Variants in IFT140 observed in about 807,000 individuals in gnomAD.
IFT140 encodes the protein intraflagellar transport protein 140 homolog.
Under a neutral mutation model 164.6 loss-of-function variants are expected in IFT140, and 133 were observed. The ratio of observed to expected loss-of-function variants is 0.81; its 90% CI spans 0.70 to 0.93. The LOEUF is 0.93. IFT140 is among the 40% of genes least tolerant of loss of function. The pLI, the probability that IFT140 is intolerant of heterozygous loss-of-function variation, is 0.00. For synonymous variants in IFT140, 860 were observed against 817.3 expected, an observed-to-expected ratio of 1.05 and a Z score of -0.89; for missense variants, 2,045 against 1,972.3, an observed-to-expected ratio of 1.04 and a Z score of -0.70.
chr16:1,594,804 C>G (rs2035368699), intron 4 of IFT140, among the ~76,000 whole-genome samples: 1 of 152,204 alleles, frequency 6.6e-6, no homozygotes, highest in South Asian at 2.1e-4. Context: ...GTGCGTGGCT[C>G]TTCCGCTCAG....
rs1224734269 is a variant in IFT140, at chr16:1,586,263, G to C, written c.1022C>G (p.Ala341Gly). The C allele has an allele frequency of 6.2e-7, 1 of 1,612,848 alleles. No individual in the cohort carries two copies. Among genetic ancestry groups the C allele is most frequent in the East Asian group, 2.2e-5 (1 of 44,860 alleles). The change falls in exon 10 of 31, where the codon GCT becomes GGT. Residue 341 changes from alanine (A) to glycine (G), a missense_variant. Transcript: ENST00000426508. Reference sequence around the variant, plus strand: ...GGCTACTCGCCCTCTGTCGGTACCAGCGGCCAGAAGACCTACAGGTAGAAA... The same window carrying C: ...GGCTACTCGCCCTCTGTCGGTACCACCGGCCAGAAGACCTACAGGTAGAAA... ...CYCKVKGLLA[A>G]GTDRGRVAMW...
chr16:1,606,937 C>G (rs1373497503), intron 3 of IFT140, among the ~76,000 whole-genome samples, 183 bp downstream of exon 3: 1 of 151,578 alleles, frequency 6.6e-6, no homozygotes, highest in African/African-American at 2.4e-5. Flanking sequence ...CACACACACA[C>G]AGATGCAGAC....
intron 19 of IFT140, among the ~76,000 whole-genome samples, chr16:1,542,347 T>C (rs1220278900): frequency 6.6e-6 from 1 of 152,268 alleles, no homozygotes; most frequent in East Asian, 1.9e-4. Context: ...CTTTAAAGGC[T>C]GAGGCACTTT....
chr16:1,527,774 T>C (rs1046032492), intron 19 of IFT140, among the ~76,000 whole-genome samples: 3 of 152,292 alleles, frequency 2.0e-5, no homozygotes, highest in Admixed American at 1.3e-4. Context: ...GGTTTCGCCA[T>C]GTTACCCAGG....
Position 1,564,681 on chromosome 16 carries a change from C to T in IFT140, c.1902-519G>A, listed in dbSNP as rs907937681. 4.6e-5 allele frequency among the ~76,000 whole-genome samples: 7 copies of T among 152,134 alleles called. No individual in the cohort carries two copies. Among genetic ancestry groups the T allele is most frequent in the African/African-American group, 1.2e-4 (5 of 41,420 alleles). On this transcript the variant is annotated intron_variant, in intron 16 of 30. Coordinates refer to ENST00000426508, the MANE Select transcript of IFT140 (RefSeq NM_014714.4). This position sits in a 1 kb window ranked among gnomAD's most constrained non-coding sequence, Gnocchi z 5.5. ...GCTGTGGGGAAACACAATGATGTGCCGGCAGACGACACACAAGGTTTCAAG... is the reference window on the plus strand; with the variant it reads ...GCTGTGGGGAAACACAATGATGTGCTGGCAGACGACACACAAGGTTTCAAG...
At chr16:1,542,530 C>G (rs976792786) in intron 19 of IFT140, among the ~76,000 whole-genome samples, 1 of 152,348 alleles carries the variant, frequency 6.6e-6, no homozygotes, top group Middle Eastern at 3.4e-3. Context: ...AGGCCTAGAA[C>G]AGGTCAGGCC....
At chr16:1,606,691 C>G (rs1468360220) in intron 3 of IFT140, among the ~76,000 whole-genome samples, 1 of 152,144 alleles carries the variant, frequency 6.6e-6, no homozygotes, top group African/African-American at 2.4e-5. Context: ...AACCCCTAAC[C>G]TCAAGTGATC....
chr16:1,519,931 C>T lies in IFT140; in HGVS notation c.3990G>A (p.Ala1330=), dbSNP rs61745103. The T allele has an allele frequency of 5.4e-3, 8,615 of 1,600,638 alleles. 53 individuals carry two copies. The highest frequency in any genetic ancestry group is 0.028 in the African/African-American group (2,105 of 74,166). Residue 1330 remains alanine, a synonymous_variant, in exon 29 of 31, where the codon GCG becomes GCA. Coordinates refer to ENST00000426508, the MANE Select transcript of IFT140 (RefSeq NM_014714.4). Reference sequence around the variant, plus strand: ...CCAGTGCCATCCTGCTCTGCAGCTGCGCCAGCCTGGTCTCCTGGTCCAGGG... The same window carrying T: ...CCAGTGCCATCCTGCTCTGCAGCTGTGCCAGCCTGGTCTCCTGGTCCAGGG... ...KSPLDQETRL[A]QLQSRMALVK...
intron 4 of IFT140, among the ~76,000 whole-genome samples, chr16:1,597,801 T>C (rs1188970103): frequency 1.3e-5 from 2 of 152,328 alleles, no homozygotes; most frequent in East Asian, 3.9e-4. Context: ...CTTTCTTTTA[T>C]TCAAGAGATG....
chr16:1,607,990 A>C (rs1352953620), intron 2 of IFT140, among the ~76,000 whole-genome samples: 1 of 152,246 alleles, frequency 6.6e-6, no homozygotes, highest in African/African-American at 2.4e-5. Context: ...TCCAGAAAAG[A>C]GTACTGGTAC....
intron 19 of IFT140, chr16:1,552,982 A>G: frequency 1.0e-5 from 10 of 985,340 alleles, no homozygotes; most frequent in Non-Finnish European, 1.2e-5. Context: ...AAACAGAAGT[A>G]TCCAGGAGCT....
chr16:1,526,606 G>A lies in IFT140; in HGVS notation c.2577+13C>T, dbSNP rs775827558. 2.5e-5 allele frequency: 38 copies of A among 1,518,750 alleles called. No individual in the cohort carries two copies. Among genetic ancestry groups the A allele is most frequent in the East Asian group, 9.5e-5 (4 of 41,894 alleles). The allele number at this position is 1,518,750 out of a possible 1,614,324, so 94.1% of individuals were successfully genotyped here. The stretch of plus-strand genomic sequence containing the variant: ...GGTGCCTTCCCACCCACCCCATGGC[G>A]GGCGCCCCTCACCAGCATGCCCAGC... On this transcript the variant is annotated intron_variant, in intron 20 of 30. Transcript: ENST00000426508.
At position 1,607,173 on chromosome 16, in the gene IFT140, C is replaced by A. The variant is rs770234866; in HGVS notation, c.94G>T (p.Val32Phe). ...SWHPVHPFLAVAYISTTSTGS... is the reference protein window; with the variant it reads ...SWHPVHPFLAFAYISTTSTGS... ...GTTGAGGTTGTGCTGATGTAAGCAA[C>A]TGCCAAGAATGGATGGACAGGGTGC... Residue 32 changes from valine to phenylalanine, a missense_variant, in exon 3 of 31, where the codon GTT becomes TTT. Physicochemically the swap from Val to Phe is conservative, Grantham distance 50. Transcript: ENST00000426508. 1.2e-6 allele frequency: 2 copies of A among 1,614,164 alleles called. No individual in the cohort carries two copies. The highest frequency in any genetic ancestry group is 1.3e-5 in the African/African-American group (1 of 75,048).
chr16:1,539,744 T>C (rs1482267628), intron 19 of IFT140, among the ~76,000 whole-genome samples: 1 of 152,198 alleles, frequency 6.6e-6, no homozygotes, highest in Non-Finnish European at 1.5e-5. Flanking sequence ...CCGCTTCCCA[T>C]GGCCCTGTCA....
At chr16:1,570,818 C>G (rs146836129) in intron 14 of IFT140, among the ~76,000 whole-genome samples, 3 of 152,168 alleles carry the variant, frequency 2.0e-5, no homozygotes, top group Admixed American at 2.0e-4. Context: ...TGCAGTGGCA[C>G]AACCACAGCT....
intron 19 of IFT140, among the ~76,000 whole-genome samples, chr16:1,541,746 G>A (rs2031660162): frequency 1.3e-5 from 2 of 152,092 alleles, no homozygotes. Context: ...CCCAGGGCTT[G>A]CAGGCAGGTG....
intron 30 of IFT140, among the ~76,000 whole-genome samples, chr16:1,517,263 T>C (rs895448378): frequency 6.7e-6 from 1 of 148,756 alleles, no homozygotes; most frequent in Non-Finnish European, 1.5e-5. Context: ...GGCAGGAGAA[T>C]GGCGTGAACC....
chr16:1,523,849 C>T lies in IFT140; in HGVS notation c.3249G>A (p.Arg1083=). 1 of 1,613,400 alleles carries T rather than the reference C, an allele frequency of 6.2e-7. No homozygotes were observed. Among genetic ancestry groups the T allele is most frequent in the Non-Finnish European group, 8.5e-7 (1 of 1,180,006 alleles). ...YYEEKGVQMD[R]AVMLYHKAGH... is the part of the protein sequence containing the mutation. ...TCACCTTGTGGTACAGCATGACCGC[C>T]CTGTCCATCTGCACGCCCTTCTCCT... The change falls in exon 25 of 31, where the codon AGG becomes AGA. Residue 1083 remains arginine, a synonymous_variant. Coordinates refer to ENST00000426508, the MANE Select transcript of IFT140 (RefSeq NM_014714.4).
At chr16:1,603,480 T>C (rs1302597032) in intron 3 of IFT140, among the ~76,000 whole-genome samples, 1 of 151,970 alleles carries the variant, frequency 6.6e-6, no homozygotes, top group African/African-American at 2.4e-5. Flanking sequence ...ATGTGCTGCG[T>C]TTCCTCTTTT....
Sources: gnomAD v4.1 joint callset for allele counts (sites outside exome capture counted in the v4.1 genomes callset) on GRCh38, gnomAD v4.1.1 for gene constraint, Gnocchi (gnomAD v3.1) non-coding constraint, MANE v1.5 for transcripts, NCBI Gene and HGNC (gene_info 2026-07-23, HGNC 2026-07-21) for gene names.